The following DPYD variants were observed in gnomAD, a reference collection of about 807,000 sequenced individuals.
DPYD encodes the protein dihydropyrimidine dehydrogenase.
DPYD carries 109 observed loss-of-function variants against 116.2 expected under a neutral mutation model. The ratio of observed to expected loss-of-function variants is 0.94; its 90% CI spans 0.80 to 1.10. DPYD has a LOEUF of 1.10. Ranked by LOEUF, DPYD falls within the 50% of genes least tolerant of loss-of-function variation. The pLI is 0.00. For synonymous variants in DPYD, 440 were observed against 432.0 expected (o/e 1.02, Z -0.23); for missense variants, 1,302 against 1,254.5 (o/e 1.04, Z -0.57).
chr1:97,233,820 C>T (rs994577016), intron 19 of DPYD, among the ~76,000 whole-genome samples: 6 of 152,126 alleles, frequency 3.9e-5, no homozygotes, highest in Non-Finnish European at 5.9e-5. Context: ...ATCAGTTTTA[C>T]ATATAAGGGT....
chr1:97,337,032 C>A (rs1279018969), intron 16 of DPYD, among the ~76,000 whole-genome samples: 3 of 152,054 alleles, frequency 2.0e-5, no homozygotes, highest in African/African-American at 7.2e-5. Flanking sequence ...TAGGAGAAAG[C>A]ACAGACAGAA....
intron 3 of DPYD, among the ~76,000 whole-genome samples, chr1:97,826,834 T>C (rs551291304): frequency 3.9e-5 from 6 of 151,946 alleles, no homozygotes; most frequent in African/African-American, 1.4e-4. Context: ...TTTTTCCCTC[T>C]TTTTTTTATT....
At chr1:97,514,153 G>C in intron 13 of DPYD, 3 of 958,914 alleles carry the variant, frequency 3.1e-6, no homozygotes, top group Non-Finnish European at 3.7e-6. Flanking sequence ...TCAAATTGGA[G>C]GTTTAGAAGG....
rs547353239 is a variant in DPYD, at chr1:97,558,868, T to C, written c.1340-9124A>G. The stretch of plus-strand genomic sequence containing the variant: ...TTTAAGACGCTGAACTCCTTGAACA[T>C]TGGATTTCATTTTACCTGGAAGAGA... On this transcript the variant is annotated intron_variant, in intron 11 of 22. Coordinates refer to ENST00000370192, the MANE Select transcript of DPYD (RefSeq NM_000110.4). Among the ~76,000 whole-genome samples, 27 of 152,286 alleles carry C rather than the reference T, an allele frequency of 1.8e-4. No homozygotes were observed. In the South Asian group the frequency reaches 5.0e-3, roughly 28 times the overall value.
intron 16 of DPYD, among the ~76,000 whole-genome samples, chr1:97,309,780 T>C (rs981702068): frequency 6.6e-6 from 1 of 151,810 alleles, no homozygotes; most frequent in African/African-American, 2.4e-5. Context: ...ATGTCCATTA[T>C]GCAAAACTGG....
In DPYD at chr1:97,540,853, CACAT is replaced by C. The variant is rs1390910533; in HGVS notation, c.1524+8703_1524+8706del. Among the ~76,000 whole-genome samples, 3 of 152,302 alleles carry C rather than the reference CACAT, an allele frequency of 2.0e-5. No homozygotes were observed. In the East Asian group the frequency reaches 5.8e-4, roughly 29 times the overall value. On this transcript the variant is annotated intron_variant, in intron 12 of 22. Coordinates refer to ENST00000370192, the MANE Select transcript of DPYD (RefSeq NM_000110.4). ...CAACTCATTAGCATACACACACACA[CACAT>C]ACTCATCACTTTGGAGATTCCAAAG...
intron 3 of DPYD, among the ~76,000 whole-genome samples, chr1:97,789,534 T>C (rs1667210186): frequency 6.6e-6 from 1 of 152,216 alleles, no homozygotes; most frequent in African/African-American, 2.4e-5. Flanking sequence ...TTTATGAAAA[T>C]GAATTTTAGG....
chr1:97,640,240 G>A (rs1244687604), intron 8 of DPYD, among the ~76,000 whole-genome samples: 1 of 152,038 alleles, frequency 6.6e-6, no homozygotes, highest in East Asian at 1.9e-4. Flanking sequence ...TTGCATTTAA[G>A]ATTTTTTTTT....
At chr1:97,515,098 C>G (rs921647426) in intron 13 of DPYD, among the ~76,000 whole-genome samples, 1 of 151,848 alleles carries the variant, frequency 6.6e-6, no homozygotes, top group Non-Finnish European at 1.5e-5. Flanking sequence ...TATAAGGATG[C>G]AATCCTCTTG....
chr1:97,209,988 T>C (rs534291990), intron 19 of DPYD, among the ~76,000 whole-genome samples: 1 of 152,240 alleles, frequency 6.6e-6, no homozygotes, highest in African/African-American at 2.4e-5. Flanking sequence ...AGAGCAAACA[T>C]TGTTCTTTCT....
rs2102084494 is a variant in DPYD, at chr1:97,549,570, T to C, written c.1514A>G (p.Lys505Arg). The change falls in exon 12 of 23, where the codon AAA becomes AGA. Residue 505 changes from lysine (K) to arginine (R), a missense_variant. By Grantham distance (26) the Lys-to-Arg change is conservative (BLOSUM62 2). Coordinates refer to ENST00000370192, the MANE Select transcript of DPYD (RefSeq NM_000110.4). ...ATGGCAAATGCCTACCTGTACGTAT[T>C]TGTGAATGTACCAAGAAGCTTGCTT... The part of the protein sequence containing the change: ...DGKQASWYIH[K>R]YVQSQYGASV... The C allele has an allele frequency of 6.2e-7, 1 of 1,613,864 alleles. No homozygotes were observed. Among genetic ancestry groups the C allele is most frequent in the East Asian group, 2.2e-5 (1 of 44,858 alleles).
At chr1:97,862,119 T>C (rs1384823745) in intron 2 of DPYD, among the ~76,000 whole-genome samples, 1 of 151,878 alleles carries the variant, frequency 6.6e-6, no homozygotes, top group Non-Finnish European at 1.5e-5. Context: ...ATAACCACTA[T>C]TATTTTTTAA....
chr1:97,387,020 T>C (rs1242691973), intron 14 of DPYD, among the ~76,000 whole-genome samples: 1 of 152,120 alleles, frequency 6.6e-6, no homozygotes, highest in Non-Finnish European at 1.5e-5. Context: ...CATCATGCAA[T>C]GTTATTAGAA....
chr1:97,500,835 G>A (rs961869441), intron 13 of DPYD, among the ~76,000 whole-genome samples: 1 of 152,026 alleles, frequency 6.6e-6, no homozygotes, highest in African/African-American at 2.4e-5. Context: ...CACTGGCAGG[G>A]AGTTTTCCAG....
chr1:97,720,813 A>G lies in DPYD; in HGVS notation c.483+697T>C, dbSNP rs1280352029. 3.2e-6 allele frequency: 5 copies of G among 1,576,554 alleles called. No individual in the cohort carries two copies. In the African/African-American group the frequency reaches 6.9e-5, roughly 22 times the overall value. Reference sequence around the variant, plus strand: ...TATAAGCTGATCATTTAAATGATACATGGGAATTAACCTGCTTGTTGACTC... The same window carrying G: ...TATAAGCTGATCATTTAAATGATACGTGGGAATTAACCTGCTTGTTGACTC... On this transcript the variant is annotated intron_variant, in intron 5 of 22. Transcript: ENST00000370192.
intron 8 of DPYD, among the ~76,000 whole-genome samples, chr1:97,641,342 G>A (rs80034260): frequency 6.6e-6 from 1 of 151,998 alleles, no homozygotes. Flanking sequence ...GGAAAGGAAG[G>A]GGATGGAGAT....
At chr1:97,283,612 A>T (rs1269554204) in intron 18 of DPYD, among the ~76,000 whole-genome samples, 1 of 152,114 alleles carries the variant, frequency 6.6e-6, no homozygotes, top group East Asian at 1.9e-4. Context: ...TTATAACTCA[A>T]TTTAATATAA....
rs553032254 is a variant in DPYD, at chr1:97,778,217, A to G, written c.234-37738T>C. Among the ~76,000 whole-genome samples the G allele has an allele frequency of 4.0e-3, 437 of 109,382 alleles. 1 individual carries two copies. The highest frequency in any genetic ancestry group is 9.3e-3 in the Middle Eastern group (2 of 216). 71.8% of individuals were successfully genotyped at this position (109,382 alleles called of 152,430 possible). A position where few individuals can be genotyped will look rare whatever the true frequency, so the allele number is the denominator to read the frequency against. Reference sequence around the variant, plus strand: ...GAGAGAGAGAGAGAGAGAGAGAGAGAGAGGGAGGGAGGGAGGGAGGAAGGG... The same window carrying G: ...GAGAGAGAGAGAGAGAGAGAGAGAGGGAGGGAGGGAGGGAGGGAGGAAGGG... On this transcript the variant is annotated intron_variant, in intron 3 of 22. Coordinates refer to ENST00000370192, the MANE Select transcript of DPYD (RefSeq NM_000110.4).
chr1:97,226,218 G>C (rs1230645812), intron 19 of DPYD, among the ~76,000 whole-genome samples: 1 of 152,010 alleles, frequency 6.6e-6, no homozygotes. Context: ...CAAAAAATTA[G>C]ATATACAGGG....
Sources: gnomAD v4.1 joint callset for allele counts (sites outside exome capture counted in the v4.1 genomes callset) on GRCh38, gnomAD v4.1.1 for gene constraint, MANE v1.5 for transcripts, NCBI Gene and HGNC (gene_info 2026-07-23, HGNC 2026-07-21) for gene names.